Variants in PCDHGA1 observed in about 807,000 individuals in gnomAD.
PCDHGA1 encodes the protein protocadherin gamma-A1.
In PCDHGA1, 32 loss-of-function variants were observed where a neutral mutation model predicts 58.0. That is an observed-to-expected ratio of 0.55 (90% CI 0.42 to 0.74). PCDHGA1 has a LOEUF of 0.74. Among genes scored for constraint, PCDHGA1 ranks in the 30% least tolerant of loss-of-function variants. PCDHGA1 has a pLI of 0.00. For missense variants in PCDHGA1, 1,205 were observed against 1,182.3 expected (o/e 1.02, Z -0.28); for synonymous variants, 498 against 501.1 (o/e 0.99, Z 0.08).
chr5:141,360,056 A>C, intron 1 of PCDHGA1: 1 of 1,446,522 alleles, frequency 6.9e-7, no homozygotes, highest in Non-Finnish European at 9.1e-7. Flanking sequence ...CAAAAGCAGG[A>C]AAAGTGACCT....
intron 1 of PCDHGA1, chr5:141,375,076 G>T: frequency 6.2e-7 from 1 of 1,614,010 alleles, no homozygotes; most frequent in Non-Finnish European, 8.5e-7. Flanking sequence ...GAGACAGAGC[G>T]AAAGTCTTAA....
Position 141,376,584 on chromosome 5 carries a change from T to C in PCDHGA1, c.2421+43479T>C, listed in dbSNP as rs770132968. On this transcript the variant is annotated intron_variant, in intron 1 of 3. Coordinates refer to ENST00000517417, the MANE Select transcript of PCDHGA1 (RefSeq NM_018912.3). Reference sequence around the variant, plus strand: ...CAACTAATCAGACAGGCTCATCAGCTAGATCGGCTGTTATAGAAGCGAACC... The same window carrying C: ...CAACTAATCAGACAGGCTCATCAGCCAGATCGGCTGTTATAGAAGCGAACC... 12 of 1,584,754 alleles carry C rather than the reference T, an allele frequency of 7.6e-6. No individual in the cohort carries two copies. In the East Asian group the frequency reaches 2.2e-4, roughly 30 times the overall value.
chr5:141,383,196 T>G, intron 1 of PCDHGA1: 3 of 1,613,866 alleles, frequency 1.9e-6, no homozygotes, highest in Non-Finnish European at 2.5e-6. Flanking sequence ...GCGCTCAGAG[T>G]GCGCGGTGTC....
At chr5:141,353,250 A>G (rs978848426) in intron 1 of PCDHGA1, among the ~76,000 whole-genome samples, 7 of 152,188 alleles carry the variant, frequency 4.6e-5, no homozygotes, top group Non-Finnish European at 8.8e-5. Context: ...GCCTTTTCTT[A>G]GTTGATATGC....
chr5:141,469,677 T>C (rs1271778909), intron 1 of PCDHGA1, among the ~76,000 whole-genome samples: 1 of 152,246 alleles, frequency 6.6e-6, no homozygotes, highest in African/African-American at 2.4e-5. Context: ...TAAAACTACA[T>C]ATGCATTGGT....
At chr5:141,345,820 G>A (rs1757647964) in intron 1 of PCDHGA1, 1 of 1,612,038 alleles carries the variant, frequency 6.2e-7, no homozygotes, top group Non-Finnish European at 8.5e-7. Context: ...GCGGTGGACA[G>A]AGACTCGGGC....
intron 1 of PCDHGA1, chr5:141,393,423 G>A: frequency 1.2e-6 from 2 of 1,614,040 alleles, no homozygotes; most frequent in South Asian, 2.2e-5. Flanking sequence ...GGACAGGGAG[G>A]AAGAGGCTGC....
intron 1 of PCDHGA1, chr5:141,422,569 G>A (rs1219842498): frequency 6.2e-7 from 1 of 1,613,984 alleles, no homozygotes; most frequent in Admixed American, 1.7e-5. Context: ...AGATGACAAC[G>A]ATAACCCTCC....
intron 1 of PCDHGA1, chr5:141,355,801 G>A (rs1023672540): frequency 1.2e-6 from 2 of 1,613,404 alleles, no homozygotes; most frequent in African/African-American, 2.7e-5. Context: ...ACGCGCTCTA[G>A]ATCGCGAGGA....
chr5:141,365,838 C>A, intron 1 of PCDHGA1: 1 of 1,613,976 alleles, frequency 6.2e-7, no homozygotes, highest in Non-Finnish European at 8.5e-7. Flanking sequence ...CCCTTGTCCT[C>A]CTATGTATCC....
At chr5:141,408,962 A>G (rs1561716536) in intron 1 of PCDHGA1, 3 of 1,613,638 alleles carry the variant, frequency 1.9e-6, no homozygotes, top group Admixed American at 3.3e-5. Flanking sequence ...TCTTAGTGAA[A>G]ATCTGCCCCC....
chr5:141,364,627 C>A, intron 1 of PCDHGA1: 2 of 1,614,112 alleles, frequency 1.2e-6, no homozygotes, highest in South Asian at 1.1e-5. Context: ...GCGCTCAGAG[C>A]CCACTGTGTG....
intron 1 of PCDHGA1, chr5:141,433,201 CTTCT>C (rs759014851): frequency 3.9e-5 from 61 of 1,573,466 alleles, no homozygotes; most frequent in Admixed American, 1.2e-4. Flanking sequence ...TATATCAAAT[CTTCT>C]TTCTTTTTTT....
chr5:141,376,711 G>A lies in PCDHGA1; in HGVS notation c.2421+43606G>A, dbSNP rs1369731526. 2.9e-5 allele frequency: 18 copies of A among 622,360 alleles called. No homozygotes were observed. The South Asian group carries it at 3.6e-4, about 12-fold the overall frequency. 38.6% of individuals were successfully genotyped at this position (622,360 alleles called of 1,614,324 possible). On this transcript the variant is annotated intron_variant, in intron 1 of 3. Coordinates refer to ENST00000517417, the MANE Select transcript of PCDHGA1 (RefSeq NM_018912.3). ...TTTTTTTTTTTTGAGACGGAGTCTC[G>A]CTCTGTCGCCCAGGCCGGACTGCGG...
rs199546998 is a variant in PCDHGA1, at chr5:141,330,861, G to A, written c.177G>A (p.Leu59=). 3.2e-4 allele frequency: 521 copies of A among 1,614,084 alleles called. 1 individual carries two copies. The highest frequency in any genetic ancestry group is 4.2e-4 in the Non-Finnish European group (496 of 1,180,054). ...ACCTAGGGCTGCAACCCCAGGAGCTGGCAGATGGCGGAGTCCGCATCGTCT... is the reference window on the plus strand; with the variant it reads ...ACCTAGGGCTGCAACCCCAGGAGCTAGCAGATGGCGGAGTCCGCATCGTCT... ...AKDLGLQPQE[L]ADGGVRIVSR... The change falls in exon 1 of 4, where the codon CTG becomes CTA. Residue 59 remains leucine (L), a synonymous_variant. Transcript: ENST00000517417.
intron 1 of PCDHGA1, chr5:141,384,121 A>G (rs1779757093): frequency 1.2e-6 from 2 of 1,609,374 alleles, no homozygotes; most frequent in African/African-American, 1.3e-5. Context: ...GGTCACAACC[A>G]AAAACTTGGA....
At chr5:141,410,600 C>T in intron 1 of PCDHGA1, 1 of 1,608,048 alleles carries the variant, frequency 6.2e-7, no homozygotes, top group Non-Finnish European at 8.5e-7. Flanking sequence ...TTTGACTTCA[C>T]ATCCTGAGAC....
intron 1 of PCDHGA1, chr5:141,422,676 A>G (rs1245488589): frequency 1.2e-6 from 2 of 1,606,500 alleles, no homozygotes; most frequent in East Asian, 4.5e-5. Flanking sequence ...CGGACAGCAA[A>G]CAGAATGCCC....
intron 1 of PCDHGA1, among the ~76,000 whole-genome samples, chr5:141,473,422 A>C (rs2154571673): frequency 6.6e-6 from 1 of 152,332 alleles, no homozygotes; most frequent in African/African-American, 2.4e-5. Context: ...TGGGGGAAGC[A>C]GATACTTTGC....
Sources: gnomAD v4.1 joint callset for allele counts (sites outside exome capture counted in the v4.1 genomes callset) on GRCh38, gnomAD v4.1.1 for gene constraint, MANE v1.5 for transcripts, NCBI Gene and HGNC (gene_info 2026-07-23, HGNC 2026-07-21) for gene names.